PCDHGB4: variants seen among roughly 807,000 people sequenced by gnomAD.
PCDHGB4 encodes protocadherin gamma-B4.
In PCDHGB4, 38 loss-of-function variants were observed where a neutral mutation model predicts 60.5. The ratio of observed to expected loss-of-function variants is 0.63; its 90% CI spans 0.48 to 0.82. The LOEUF is 0.82. Among genes scored for constraint, PCDHGB4 ranks in the 40% least tolerant of loss-of-function variants. The probability of loss-of-function intolerance (pLI) is 0.00; values close to 1 mark genes in which losing one functional copy is unlikely to be tolerated. For synonymous variants in PCDHGB4, 456 were observed against 509.7 expected (o/e 0.89, Z 1.42); for missense variants, 1,109 against 1,209.6 (o/e 0.92, Z 1.23).
Position 141,490,066 on chromosome 5 carries a change from C to G in PCDHGB4, c.2398-4741C>G. ...TGATCCAGACGAGGGCACCAACGGC[C>G]AACTAGACTATTCTTTTGGAGACCA... On this transcript the variant is annotated intron_variant, in intron 1 of 3. Coordinates refer to ENST00000519479, the MANE Select transcript of PCDHGB4 (RefSeq NM_003736.4). The surrounding 1 kb of genome is among the most constrained non-coding windows in gnomAD (Gnocchi z 5.4). The G allele has an allele frequency of 1.2e-6, 2 of 1,614,248 alleles. No individual in the cohort carries two copies. Among genetic ancestry groups the G allele is most frequent in the Non-Finnish European group, 1.7e-6 (2 of 1,180,034 alleles).
At chr5:141,505,332 A>C in intron 2 of PCDHGB4, 61 bp from the exon 3 acceptor site, 1 of 1,610,872 alleles carries the variant, frequency 6.2e-7, no homozygotes, top group South Asian at 1.1e-5. Flanking sequence ...GGGAGAGGAC[A>C]GGAGGGGCAT....
At chr5:141,470,034 C>T (rs1209263598) in intron 1 of PCDHGB4, among the ~76,000 whole-genome samples, 2 of 152,086 alleles carry the variant, frequency 1.3e-5, no homozygotes, top group Non-Finnish European at 2.9e-5. Flanking sequence ...GATGCTGAGG[C>T]GCGAGAACTG....
intron 1 of PCDHGB4, chr5:141,417,389 A>C (rs578088616): frequency 2.5e-4 from 39 of 154,566 alleles, no homozygotes; most frequent in Admixed American, 4.5e-4. Flanking sequence ...ATTTTGAAGA[A>C]AAAATATTCA....
At chr5:141,390,887 T>TGTGA (rs553460991) in intron 1 of PCDHGB4, 1,524 of 151,180 alleles carry the variant, frequency 0.01, 16 homozygotes, top group Non-Finnish European at 0.015. Flanking sequence ...TGTGTGTGTG[T>TGTGA]GAGAGAGATC....
chr5:141,408,842 G>A, intron 1 of PCDHGB4: 1 of 1,613,598 alleles, frequency 6.2e-7, no homozygotes, highest in African/African-American at 1.3e-5. Flanking sequence ...GATATTGACT[G>A]CCTTGGACGG....
intron 1 of PCDHGB4, chr5:141,408,518 T>A (rs1330187050): frequency 6.2e-7 from 1 of 1,614,010 alleles, no homozygotes; most frequent in African/African-American, 1.3e-5. Flanking sequence ...TGAGTTGCAA[T>A]TGGAAGCTGT....
At chr5:141,475,657 C>T (rs2099366732) in intron 1 of PCDHGB4, among the ~76,000 whole-genome samples, 1 of 152,204 alleles carries the variant, frequency 6.6e-6, no homozygotes, top group Non-Finnish European at 1.5e-5. Flanking sequence ...GAAAGTGATT[C>T]AAATGTTTAA....
intron 3 of PCDHGB4, among the ~76,000 whole-genome samples, chr5:141,510,329 A>T (rs1433056614): frequency 2.7e-5 from 4 of 150,230 alleles, no homozygotes; most frequent in Admixed American, 2.7e-4. Flanking sequence ...AGCACTCTTC[A>T]CCCCCACCCC....
intron 1 of PCDHGB4, among the ~76,000 whole-genome samples, chr5:141,469,088 G>A (rs1388316490): frequency 6.6e-6 from 1 of 151,604 alleles, no homozygotes; most frequent in Non-Finnish European, 1.5e-5. Context: ...ACCATTCTAG[G>A]CAACAAAGCA....
chr5:141,492,296 G>GACGC lies in PCDHGB4; in HGVS notation c.2398-2500_2398-2497dup, dbSNP rs540417011. 9.7e-4 allele frequency among the ~76,000 whole-genome samples: 148 copies of GACGC among 152,328 alleles called. 2 individuals are homozygous for GACGC. In the South Asian group the frequency reaches 0.014, roughly 14 times the overall value. ...GCCACGCCCCGCCAACACGTGCGCGGACGCACGCACGCACTCCTCGCACGT... is the reference window on the plus strand; with the variant it reads ...GCCACGCCCCGCCAACACGTGCGCGGACGCACGCACGCACGCACTCCTCGCACGT... On this transcript the variant is annotated intron_variant, in intron 1 of 3. Transcript: ENST00000519479.
In PCDHGB4 at chr5:141,389,388, T is replaced by C. The variant is rs375763465; in HGVS notation, c.1504T>C (p.Tyr502His). 2.1e-5 allele frequency: 34 copies of C among 1,613,602 alleles called. No individual in the cohort carries two copies. Among genetic ancestry groups the C allele is most frequent in the Non-Finnish European group, 2.6e-5 (31 of 1,179,912 alleles). Reference sequence around the variant, plus strand: ...CCTGGAGCAGCGGGAGCTGTCATCCTACGTGTCCATAAGCGCGGAGAGCGG... The same window carrying C: ...CCTGGAGCAGCGGGAGCTGTCATCCCACGTGTCCATAAGCGCGGAGAGCGG... ...SDLEQRELSS[Y>H]VSISAESGVV... Residue 502 changes from tyrosine (Y) to histidine (H), a missense_variant, in exon 1 of 4, where the codon TAC becomes CAC. By Grantham distance (83) the Tyr-to-His change is moderately conservative. This residue lies in a region of PCDHGB4 where 1,068 missense variants were observed against 1,089.9 expected (regional missense o/e 0.98). Coordinates refer to ENST00000519479, the MANE Select transcript of PCDHGB4 (RefSeq NM_003736.4).
chr5:141,400,561 A>G, intron 1 of PCDHGB4: 1 of 1,612,992 alleles, frequency 6.2e-7, no homozygotes, highest in Non-Finnish European at 8.5e-7. Flanking sequence ...TTCATTACCC[A>G]CCCAATTTTC....
intron 1 of PCDHGB4, among the ~76,000 whole-genome samples, chr5:141,402,769 C>T (rs1404796973): frequency 6.6e-6 from 1 of 152,196 alleles, no homozygotes; most frequent in Non-Finnish European, 1.5e-5. Context: ...GGACTCCATC[C>T]GGATTTCCAG....
chr5:141,419,075 A>C (rs2096322774), intron 1 of PCDHGB4: 3 of 1,613,968 alleles, frequency 1.9e-6, no homozygotes, highest in South Asian at 1.1e-5. Flanking sequence ...CAAGCTAGTA[A>C]CAGATGAGGC....
Position 141,503,989 on chromosome 5 carries a change from C to T in PCDHGB4, c.2457-1404C>T, listed in dbSNP as rs534696225. Among the ~76,000 whole-genome samples the T allele has an allele frequency of 2.6e-5, 4 of 152,312 alleles. No individual in the cohort carries two copies. The South Asian group carries it at 8.3e-4, about 32-fold the overall frequency. On this transcript the variant is annotated intron_variant, in intron 2 of 3. Transcript: ENST00000519479. ...CATGGTGCCAAACCCTTCTTCTTAC[C>T]TTACAGTCACTTAACTGTCTCTGCT...
intron 1 of PCDHGB4, chr5:141,409,321 T>G (rs899218484): frequency 1.9e-6 from 3 of 1,613,996 alleles, no homozygotes; most frequent in Admixed American, 1.7e-5. Context: ...AAACACGGGA[T>G]CTGGATTTCG....
At chr5:141,403,276 C>A in intron 1 of PCDHGB4, 2 of 1,613,844 alleles carry the variant, frequency 1.2e-6, no homozygotes, top group South Asian at 2.2e-5. Flanking sequence ...ACTTTAAAGT[C>A]CTGGTTGAAG....
chr5:141,507,287 C>G (rs79707942), intron 3 of PCDHGB4: 1 of 148,974 alleles, frequency 6.7e-6, no homozygotes, highest in East Asian at 1.9e-4. Context: ...AAGTCAGTCT[C>G]AAATGTTGCA....
Position 141,487,321 on chromosome 5 carries a change from T to C in PCDHGB4, c.2398-7486T>C. 1.2e-6 allele frequency: 2 copies of C among 1,614,198 alleles called. No individual in the cohort carries two copies. The highest frequency in any genetic ancestry group is 1.7e-6 in the Non-Finnish European group (2 of 1,180,040). Reference sequence around the variant, plus strand: ...TCGTGGCACTACTCTCTAAGTGTCTTCGTGGGGCAGCCTGTGGAGTCACAT... The same window carrying C: ...TCGTGGCACTACTCTCTAAGTGTCTCCGTGGGGCAGCCTGTGGAGTCACAT... On this transcript the variant is annotated intron_variant, in intron 1 of 3. Transcript: ENST00000519479. The surrounding 1 kb of genome is among the most constrained non-coding windows in gnomAD (Gnocchi z 5.0).
Sources: allele counts gnomAD v4.1 joint callset (sites outside exome capture counted in the v4.1 genomes callset), GRCh38; gene constraint gnomAD v4.1.1; regional missense constraint gnomAD v4.1.1; non-coding constraint Gnocchi (gnomAD v3.1); transcripts MANE v1.5; gene names NCBI Gene and HGNC (gene_info 2026-07-23, HGNC 2026-07-21).